The following CHST11 variants were observed in gnomAD, a reference collection of about 807,000 sequenced individuals.
CHST11 encodes the protein C4S-1.
Under a neutral mutation model 30.4 loss-of-function variants are expected in CHST11, and 9 were observed. That is an observed-to-expected ratio of 0.30 (90% CI 0.18 to 0.52). The LOEUF (loss-of-function observed/expected upper bound fraction) is 0.52, where lower values mean the gene tolerates loss of function less well. Ranked by LOEUF, CHST11 falls within the 20% of genes least tolerant of loss-of-function variation. The pLI, the probability that CHST11 is intolerant of heterozygous loss-of-function variation, is 0.97. For missense variants in CHST11, 348 were observed against 460.6 expected, an observed-to-expected ratio of 0.76 and a Z score of 2.24; for synonymous variants, 152 against 187.8, an observed-to-expected ratio of 0.81 and a Z score of 1.56.
chr12:104,648,788 T>G (rs990225361), intron 2 of CHST11, among the ~76,000 whole-genome samples: 1 of 151,974 alleles, frequency 6.6e-6, no homozygotes, highest in Non-Finnish European at 1.5e-5. Context: ...CATTCCAGTC[T>G]GGACAACAGA....
At chr12:104,682,356 G>A (rs1487176160) in intron 2 of CHST11, among the ~76,000 whole-genome samples, 1 of 151,838 alleles carries the variant, frequency 6.6e-6, no homozygotes, top group Non-Finnish European at 1.5e-5. Flanking sequence ...CATCTGTCTG[G>A]CCAACCGCCA....
chr12:104,515,126 A>G (rs1443601133), intron 1 of CHST11, among the ~76,000 whole-genome samples: 5 of 151,458 alleles, frequency 3.3e-5, no homozygotes, highest in East Asian at 1.9e-4. Flanking sequence ...AATGGTTGGG[A>G]AAAAAAAATC....
At chr12:104,575,665 G>A (rs2038677180) in intron 1 of CHST11, among the ~76,000 whole-genome samples, 1 of 152,070 alleles carries the variant, frequency 6.6e-6, no homozygotes, top group South Asian at 2.1e-4. Context: ...TGGGTGGAGT[G>A]CAGGTTGCAG....
At chr12:104,734,674 A>G (rs760196671) in intron 2 of CHST11, among the ~76,000 whole-genome samples, 7 of 152,238 alleles carry the variant, frequency 4.6e-5, no homozygotes, top group Middle Eastern at 3.4e-3. Context: ...CCTTCACCCC[A>G]TGGGATACCC....
chr12:104,687,782 C>G (rs528217269), intron 2 of CHST11, among the ~76,000 whole-genome samples: 1 of 152,182 alleles, frequency 6.6e-6, no homozygotes, highest in Non-Finnish European at 1.5e-5. Context: ...CCCCGCCCCC[C>G]CCAAAATTTT....
At chr12:104,573,612 T>G (rs2038651989) in intron 1 of CHST11, among the ~76,000 whole-genome samples, 1 of 152,120 alleles carries the variant, frequency 6.6e-6, no homozygotes, top group Non-Finnish European at 1.5e-5. Flanking sequence ...AATGAGGAAA[T>G]GATTCCCTAT....
chr12:104,728,771 G>C (rs557292312), intron 2 of CHST11, among the ~76,000 whole-genome samples: 1 of 152,276 alleles, frequency 6.6e-6, no homozygotes, highest in Admixed American at 6.5e-5. Flanking sequence ...GGTCCCACCA[G>C]CTCTTAGACT....
intron 2 of CHST11, among the ~76,000 whole-genome samples, chr12:104,651,967 C>T (rs2039494077): frequency 6.6e-6 from 1 of 152,238 alleles, no homozygotes; most frequent in South Asian, 2.1e-4. Flanking sequence ...GCATGAGCCA[C>T]AGCCCCTGAC....
intron 2 of CHST11, among the ~76,000 whole-genome samples, chr12:104,745,861 A>G (rs2040385598): frequency 6.6e-6 from 1 of 152,170 alleles, no homozygotes; most frequent in Admixed American, 6.5e-5. Flanking sequence ...GGTTTTCTAG[A>G]TGTAGGATCA....
chr12:104,663,150 A>T (rs2374411), intron 2 of CHST11, among the ~76,000 whole-genome samples: 43,847 of 152,196 alleles, frequency 0.29, 6,674 homozygotes, highest in Middle Eastern at 0.36. Context: ...GGGTCAGTGC[A>T]ACAAGGCTTC....
At chr12:104,519,071 G>GGGGTGTGTGTGTGTGTGTGTGT (rs1555229563) in intron 1 of CHST11, among the ~76,000 whole-genome samples, 1 of 139,570 alleles carries the variant, frequency 7.2e-6, no homozygotes, top group African/African-American at 2.7e-5. Flanking sequence ...GGACTCTTGA[G>GGGGTGTGTGTGTGTGTGTGTGT]GTGTGTGTGT....
chr12:104,715,625 T>C (rs1267060859), intron 2 of CHST11, among the ~76,000 whole-genome samples: 2 of 151,956 alleles, frequency 1.3e-5, no homozygotes, highest in East Asian at 3.9e-4. Context: ...GAGGTACAGG[T>C]AGAGGAAATG....
chr12:104,715,342 C>T (rs2040122403), intron 2 of CHST11, among the ~76,000 whole-genome samples: 1 of 152,102 alleles, frequency 6.6e-6, no homozygotes, highest in Admixed American at 6.5e-5. Context: ...CCACGGCACT[C>T]CAGCCTGGGT....
chr12:104,754,223 G>A (rs757848962), intron 2 of CHST11, among the ~76,000 whole-genome samples: 4 of 152,162 alleles, frequency 2.6e-5, no homozygotes, highest in Non-Finnish European at 4.4e-5. Context: ...TCTCAGCATC[G>A]TATCCCGGCT....
chr12:104,601,118 C>CCCTTCCT (rs930355402), intron 1 of CHST11, among the ~76,000 whole-genome samples: 17 of 151,852 alleles, frequency 1.1e-4, no homozygotes, highest in Non-Finnish European at 2.2e-4. Flanking sequence ...TTTCATCCCT[C>CCCTTCCT]CCTTCCTCCT....
chr12:104,492,160 G>C (rs375040536), intron 1 of CHST11, among the ~76,000 whole-genome samples: 1 of 152,098 alleles, frequency 6.6e-6, no homozygotes, highest in South Asian at 2.1e-4. Flanking sequence ...GCAGTGGCGC[G>C]ATCTCTGCTC....
chr12:104,491,116 G>A (rs17035653), intron 1 of CHST11, among the ~76,000 whole-genome samples: 8,094 of 151,842 alleles, frequency 0.053, 721 homozygotes, highest in African/African-American at 0.19. Context: ...CTGAGGGCCC[G>A]TCACATTCAG....
chr12:104,545,514 A>C (rs1055229133), intron 1 of CHST11, among the ~76,000 whole-genome samples: 1 of 152,238 alleles, frequency 6.6e-6, no homozygotes, highest in Non-Finnish European at 1.5e-5. Context: ...GATTGATGGA[A>C]TATCTAGAAG....
At chr12:104,605,763 G>T (rs984324766) in intron 2 of CHST11, among the ~76,000 whole-genome samples, 2 of 152,170 alleles carry the variant, frequency 1.3e-5, no homozygotes, top group African/African-American at 4.8e-5. Flanking sequence ...ATATTTGTGG[G>T]CCGAGCACAT....
Sources: gnomAD v4.1 joint callset for allele counts (sites outside exome capture counted in the v4.1 genomes callset) on GRCh38, gnomAD v4.1.1 for gene constraint, MANE v1.5 for transcripts, NCBI Gene and HGNC (gene_info 2026-07-23, HGNC 2026-07-21) for gene names.